Variants in SCFD2 observed in about 807,000 individuals in gnomAD.
SCFD2 encodes the protein sec1 family domain-containing protein 2.
Under a neutral mutation model 58.9 loss-of-function variants are expected in SCFD2, and 54 were observed. The ratio of observed to expected loss-of-function variants is 0.92; its 90% confidence interval spans 0.74 to 1.15. The LOEUF (loss-of-function observed/expected upper bound fraction) is 1.15, where lower values mean the gene tolerates loss of function less well. SCFD2 is among the 50% of genes most tolerant of loss of function. The pLI is 0.00. For missense variants in SCFD2, 805 were observed against 836.6 expected, an observed-to-expected ratio of 0.96 and a Z score of 0.47; for synonymous variants, 321 against 335.9, an observed-to-expected ratio of 0.96 and a Z score of 0.49.
At chr4:53,252,985 C>T (rs1427486690) in intron 4 of SCFD2, among the ~76,000 whole-genome samples, 52 of 152,156 alleles carry the variant, frequency 3.4e-4, no homozygotes, top group African/African-American at 7.2e-5. Flanking sequence ...TTGCAACCTA[C>T]TCATCTGACA....
chr4:53,221,901 AG>A (rs1170459894), intron 4 of SCFD2, among the ~76,000 whole-genome samples: 1 of 152,332 alleles, frequency 6.6e-6, no homozygotes, highest in Non-Finnish European at 1.5e-5. Context: ...GAGGCAACAG[AG>A]GAACCACAAC....
intron 4 of SCFD2, among the ~76,000 whole-genome samples, chr4:53,210,630 C>T (rs1390429066): frequency 1.3e-5 from 2 of 152,130 alleles, no homozygotes; most frequent in East Asian, 3.9e-4. Flanking sequence ...TTTATGTTAT[C>T]ATATATATTT....
At chr4:52,985,178 G>A (rs1464656906) in intron 5 of SCFD2, among the ~76,000 whole-genome samples, 1 of 152,202 alleles carries the variant, frequency 6.6e-6, no homozygotes, top group Non-Finnish European at 1.5e-5. Flanking sequence ...GTTTGACTGT[G>A]TGACTGCTCC....
chr4:53,007,969 T>C (rs1019136537), intron 5 of SCFD2, among the ~76,000 whole-genome samples: 1 of 152,200 alleles, frequency 6.6e-6, no homozygotes, highest in Non-Finnish European at 1.5e-5. Context: ...ATGAATGATG[T>C]TCCTGGCTGG....
intron 5 of SCFD2, among the ~76,000 whole-genome samples, chr4:53,118,911 CT>C (rs1423366716): frequency 6.6e-6 from 1 of 152,138 alleles, no homozygotes; most frequent in Non-Finnish European, 1.5e-5. Context: ...ACAAAAGCCA[CT>C]TTGGGAAACA....
intron 4 of SCFD2, among the ~76,000 whole-genome samples, chr4:53,272,549 T>A (rs1731205435): frequency 6.6e-6 from 1 of 152,108 alleles, no homozygotes; most frequent in South Asian, 2.1e-4. Flanking sequence ...ATGTCCTTTG[T>A]AAGGACATGG....
At chr4:53,204,858 G>C (rs1352252980) in intron 4 of SCFD2, among the ~76,000 whole-genome samples, 3 of 151,562 alleles carry the variant, frequency 2.0e-5, no homozygotes, top group Non-Finnish European at 4.4e-5. Context: ...AACAGGTTCA[G>C]AAATCTCAAA....
At chr4:53,229,944 A>G (rs1173353977) in intron 4 of SCFD2, among the ~76,000 whole-genome samples, 2 of 152,230 alleles carry the variant, frequency 1.3e-5, no homozygotes, top group African/African-American at 2.4e-5. Flanking sequence ...AAACAACCCC[A>G]TCAAAAAGTG....
chr4:52,873,733 C>T lies in SCFD2; in HGVS notation c.*236G>A. On this transcript the variant is annotated 3_prime_UTR_variant, in exon 9 of 9. Coordinates refer to ENST00000401642, the MANE Select transcript of SCFD2 (RefSeq NM_152540.4). ...GGAAACGATCACTAATTGGACTCGC[C>T]AAAAGACAGACTGTCGCCTTCAGGA... The T allele has an allele frequency of 5.7e-6, 2 of 352,998 alleles. No homozygotes were observed. Among genetic ancestry groups the T allele is most frequent in the Non-Finnish European group, 5.2e-6 (1 of 192,356 alleles). 21.9% of individuals were successfully genotyped at this position (352,998 alleles called of 1,614,324 possible). A position where few individuals can be genotyped will look rare whatever the true frequency, so the allele number is the denominator to read the frequency against.
chr4:53,069,481 C>T (rs1231311573), intron 5 of SCFD2, among the ~76,000 whole-genome samples: 1 of 152,018 alleles, frequency 6.6e-6, no homozygotes, highest in Non-Finnish European at 1.5e-5. Flanking sequence ...GTGAAATCTC[C>T]TAAATGCTAT....
chr4:52,895,278 A>AG (rs1318774050), intron 7 of SCFD2, among the ~76,000 whole-genome samples: 1 of 151,850 alleles, frequency 6.6e-6, no homozygotes, highest in East Asian at 1.9e-4. Flanking sequence ...CCATTAACTC[A>AG]TCATTTAGCA....
chr4:53,177,449 G>A (rs1014272177), intron 4 of SCFD2, among the ~76,000 whole-genome samples: 2 of 151,968 alleles, frequency 1.3e-5, no homozygotes, highest in African/African-American at 4.8e-5. Context: ...TTGTTTGTTT[G>A]TTTGTTTGTT....
chr4:52,931,988 C>T (rs534488841), intron 5 of SCFD2, among the ~76,000 whole-genome samples: 1 of 152,252 alleles, frequency 6.6e-6, no homozygotes, highest in Admixed American at 6.5e-5. Flanking sequence ...CAAAGAAGAC[C>T]ACCTGGAAGG....
At position 53,107,929 on chromosome 4, in the gene SCFD2, C is replaced by T. The variant is rs563396016; in HGVS notation, c.1561+37404G>A. On this transcript the variant is annotated intron_variant, in intron 5 of 8. Coordinates refer to ENST00000401642, the MANE Select transcript of SCFD2 (RefSeq NM_152540.4). ...CCAAATCAACAGAATATACCTTCTT[C>T]ACAGCACCACATCGCACTTATTCTA... is the stretch of plus-strand genomic sequence containing the variant. Among the ~76,000 whole-genome samples the T allele has an allele frequency of 1.2e-4, 18 of 152,296 alleles. 2 individuals carry two copies. Among genetic ancestry groups the T allele is most frequent in the African/African-American group, 4.3e-4 (18 of 41,566 alleles).
intron 2 of SCFD2, among the ~76,000 whole-genome samples, chr4:53,326,870 T>A (rs1330979405): frequency 3.3e-5 from 5 of 152,116 alleles, no homozygotes; most frequent in African/African-American, 9.7e-5. Context: ...TCACAAAAAA[T>A]TTAACTAACA....
At chr4:53,180,184 T>C (rs575297531) in intron 4 of SCFD2, among the ~76,000 whole-genome samples, 2 of 152,268 alleles carry the variant, frequency 1.3e-5, no homozygotes, top group East Asian at 1.9e-4. Flanking sequence ...CCATTCCAAA[T>C]CAACAGAATA....
intron 4 of SCFD2, among the ~76,000 whole-genome samples, chr4:53,224,582 T>G (rs1454690193): frequency 1.3e-5 from 2 of 152,174 alleles, no homozygotes; most frequent in Non-Finnish European, 2.9e-5. Flanking sequence ...TGAAGCCATC[T>G]TGGATCATCT....
chr4:52,920,920 C>A, intron 5 of SCFD2, 50 bp from the exon 6 acceptor site: 1 of 1,264,346 alleles, frequency 7.9e-7, no homozygotes, highest in Non-Finnish European at 1.1e-6. Flanking sequence ...TTTAAGTTTT[C>A]ATCATGACAG....
At chr4:53,228,210 A>C (rs1349095917) in intron 4 of SCFD2, among the ~76,000 whole-genome samples, 1 of 152,184 alleles carries the variant, frequency 6.6e-6, no homozygotes, top group East Asian at 1.9e-4. Context: ...AGTGGGGATC[A>C]ACTATCTCAT....
Sources: allele counts gnomAD v4.1 joint callset (sites outside exome capture counted in the v4.1 genomes callset), GRCh38; gene constraint gnomAD v4.1.1; transcripts MANE v1.5; gene names NCBI Gene and HGNC (gene_info 2026-07-23, HGNC 2026-07-21).